The following KCNIP4 variants were observed in gnomAD, a reference collection of about 807,000 sequenced individuals.
KCNIP4 encodes the protein Kv channel-interacting protein 4.
Under a neutral mutation model 34.0 loss-of-function variants are expected in KCNIP4, and 12 were observed. The ratio of observed to expected loss-of-function variants is 0.35; its 90% CI spans 0.23 to 0.57. KCNIP4 has a LOEUF of 0.57. KCNIP4 is among the 20% of genes least tolerant of loss of function. The pLI is 0.83. For missense variants in KCNIP4, 238 were observed against 311.7 expected (o/e 0.76, Z 1.78); for synonymous variants, 124 against 102.2 (o/e 1.21, Z -1.29).
chr4:21,529,320 G>T (rs988345768), intron 1 of KCNIP4, among the ~76,000 whole-genome samples: 2 of 152,082 alleles, frequency 1.3e-5, no homozygotes, highest in Admixed American at 6.5e-5. Flanking sequence ...AATACATTAA[G>T]AACACCTGTG....
At chr4:21,034,294 G>A (rs934624151) in intron 1 of KCNIP4, among the ~76,000 whole-genome samples, 3 of 152,104 alleles carry the variant, frequency 2.0e-5, no homozygotes, top group African/African-American at 7.2e-5. Flanking sequence ...AGAATCATTG[G>A]TATTTGTTTA....
chr4:20,863,806 G>A (rs372555261), intron 2 of KCNIP4, among the ~76,000 whole-genome samples: 2 of 152,028 alleles, frequency 1.3e-5, no homozygotes, highest in South Asian at 2.1e-4. Flanking sequence ...TCTGTGACAC[G>A]AGTTTACCTA....
intron 1 of KCNIP4, among the ~76,000 whole-genome samples, chr4:21,052,319 T>C (rs1281036651): frequency 6.6e-6 from 1 of 152,198 alleles, no homozygotes; most frequent in African/African-American, 2.4e-5. Context: ...TTTGTACATA[T>C]GACCAAAATG....
At chr4:21,238,410 T>C (rs1030442996) in intron 1 of KCNIP4, among the ~76,000 whole-genome samples, 3 of 152,054 alleles carry the variant, frequency 2.0e-5, no homozygotes, top group African/African-American at 4.8e-5. Flanking sequence ...AAATAAAGGG[T>C]ATTCAATTAG....
intron 8 of KCNIP4, 130 bp from the exon 9 acceptor site, chr4:20,730,259 T>C (rs1261988804): frequency 8.0e-6 from 9 of 1,128,240 alleles, no homozygotes; most frequent in Non-Finnish European, 9.6e-6. Context: ...AAATATTAAG[T>C]GTTTGCAAAT....
At chr4:21,244,160 T>C (rs1760038368) in intron 1 of KCNIP4, among the ~76,000 whole-genome samples, 1 of 152,194 alleles carries the variant, frequency 6.6e-6, no homozygotes, top group Non-Finnish European at 1.5e-5. Context: ...ACAGTTGTAA[T>C]AGATTGAGGG....
intron 1 of KCNIP4, among the ~76,000 whole-genome samples, chr4:21,027,565 TTA>T (rs139421727): frequency 2.7e-5 from 4 of 148,704 alleles, no homozygotes; most frequent in African/African-American, 9.8e-5. Context: ...ATAATGTATG[TTA>T]TATATATTAT....
intron 1 of KCNIP4, among the ~76,000 whole-genome samples, chr4:21,247,665 A>G (rs1760332363): frequency 7.5e-6 from 1 of 133,018 alleles, no homozygotes; most frequent in South Asian, 2.1e-4. Context: ...ATATATTTAG[A>G]TATATCTATA....
intron 1 of KCNIP4, among the ~76,000 whole-genome samples, chr4:20,947,954 C>T (rs1486278035): frequency 6.6e-6 from 1 of 152,214 alleles, no homozygotes; most frequent in African/African-American, 2.4e-5. Context: ...CTTTCAATCT[C>T]TCTGAGCCTC....
Position 21,308,248 on chromosome 4 carries a change from T to C in KCNIP4, c.62-425539A>G, listed in dbSNP as rs556904849. On this transcript the variant is annotated intron_variant, in intron 1 of 8. Coordinates refer to ENST00000382152, the MANE Select transcript of KCNIP4 (RefSeq NM_025221.6). Reference sequence around the variant, plus strand: ...ATTACTTAAACTTGCTAAGCTTTGGTTTGCTGGTCTTCAAAATGAGGCCAA... The same window carrying C: ...ATTACTTAAACTTGCTAAGCTTTGGCTTGCTGGTCTTCAAAATGAGGCCAA... 5.3e-5 allele frequency among the ~76,000 whole-genome samples: 8 copies of C among 152,286 alleles called. No homozygotes were observed. In the South Asian group the frequency reaches 1.4e-3, roughly 28 times the overall value.
chr4:21,381,428 A>G (rs1721494042), intron 1 of KCNIP4, among the ~76,000 whole-genome samples: 1 of 152,120 alleles, frequency 6.6e-6, no homozygotes, highest in African/African-American at 2.4e-5. Context: ...TCCAGGTAGT[A>G]TTTTTACTCA....
intron 1 of KCNIP4, among the ~76,000 whole-genome samples, chr4:21,922,726 A>G (rs997014469): frequency 2.6e-5 from 4 of 152,208 alleles, no homozygotes; most frequent in African/African-American, 9.6e-5. Context: ...AAAGGGGGCC[A>G]GAAGTGGAGT....
chr4:21,932,239 T>C (rs1365896245), intron 1 of KCNIP4, among the ~76,000 whole-genome samples: 1 of 152,068 alleles, frequency 6.6e-6, no homozygotes, highest in African/African-American at 2.4e-5. Flanking sequence ...AACTGATACA[T>C]GTGTCGTGAG....
intron 1 of KCNIP4, among the ~76,000 whole-genome samples, chr4:21,801,218 T>A (rs1167858364): frequency 6.6e-6 from 1 of 152,174 alleles, no homozygotes; most frequent in Admixed American, 6.5e-5. Context: ...ATAGAAGGTA[T>A]TTGACACGTA....
chr4:21,840,299 AG>A (rs1723599661), intron 1 of KCNIP4, among the ~76,000 whole-genome samples: 1 of 151,916 alleles, frequency 6.6e-6, no homozygotes, highest in Non-Finnish European at 1.5e-5. Context: ...CTACCACACT[AG>A]TGAGTCTCCT....
chr4:21,121,915 T>C (rs149579728), intron 1 of KCNIP4, among the ~76,000 whole-genome samples: 2 of 152,340 alleles, frequency 1.3e-5, no homozygotes, highest in East Asian at 3.9e-4. Context: ...TTGGAGGCAA[T>C]GGCCATCTTT....
At chr4:21,537,140 C>T (rs1170536602) in intron 1 of KCNIP4, among the ~76,000 whole-genome samples, 1 of 152,180 alleles carries the variant, frequency 6.6e-6, no homozygotes, top group African/African-American at 2.4e-5. Context: ...ATCTACACTG[C>T]ACCACACATT....
intron 1 of KCNIP4, among the ~76,000 whole-genome samples, chr4:21,766,842 C>T (rs1718453057): frequency 6.6e-6 from 1 of 152,104 alleles, no homozygotes; most frequent in Admixed American, 6.6e-5. Context: ...CATTCATTCA[C>T]TTGTGTAATT....
chr4:21,858,095 T>G (rs941938518), intron 1 of KCNIP4, among the ~76,000 whole-genome samples: 3 of 152,138 alleles, frequency 2.0e-5, no homozygotes, highest in African/African-American at 7.2e-5. Flanking sequence ...GACCCCATGC[T>G]CACTCACTCA....
Sources: allele counts gnomAD v4.1 joint callset (sites outside exome capture counted in the v4.1 genomes callset), GRCh38; gene constraint gnomAD v4.1.1; transcripts MANE v1.5; gene names NCBI Gene and HGNC (gene_info 2026-07-23, HGNC 2026-07-21).